Variants in GPALPP1 observed in about 807,000 individuals in gnomAD.
The protein encoded by GPALPP1 is GPALPP motifs-containing protein 1.
GPALPP1 carries 30 observed loss-of-function variants against 38.9 expected under a neutral mutation model. That is an observed-to-expected ratio of 0.77 (90% CI 0.58 to 1.05). GPALPP1 has a LOEUF of 1.05. GPALPP1 is among the 50% of genes least tolerant of loss of function. GPALPP1 has a pLI of 0.00. For missense variants in GPALPP1, 384 were observed against 408.8 expected (o/e 0.94, Z 0.52); for synonymous variants, 120 against 139.2 (o/e 0.86, Z 0.97).
chr13:45,005,433 A>G (rs1308579308), intron 2 of GPALPP1, among the ~76,000 whole-genome samples: 1 of 152,052 alleles, frequency 6.6e-6, no homozygotes, highest in African/African-American at 2.4e-5. Context: ...CTTACCCACT[A>G]TGAGTCTATG....
chr13:45,015,180 T>A lies in GPALPP1; in HGVS notation c.540+97T>A, dbSNP rs568484416. 1,077 of 790,960 alleles carry A rather than the reference T, an allele frequency of 1.4e-3. 4 individuals are homozygous for A. Among genetic ancestry groups the A allele is most frequent in the Middle Eastern group, 0.012 (29 of 2,478 alleles). 49.0% of individuals were successfully genotyped at this position (790,960 alleles called of 1,614,324 possible). A position where few individuals can be genotyped will look rare whatever the true frequency, so the allele number is the denominator to read the frequency against. ...ACTATATAACTTTTAATATATTTTGTTTTTATGCATAACATTTTTTTAAAT... is the reference window on the plus strand; with the variant it reads ...ACTATATAACTTTTAATATATTTTGATTTTATGCATAACATTTTTTTAAAT... On this transcript the variant is annotated intron_variant, in intron 5 of 7. Coordinates refer to ENST00000379151, the MANE Select transcript of GPALPP1 (RefSeq NM_018559.5).
At position 45,015,718 on chromosome 13, in the gene GPALPP1, C is replaced by T. The variant is rs758164488; in HGVS notation, c.705+122C>T. ...AAATTATGATTCCAAAAGGATAATG[C>T]GGATTTTCCTCTGGAGGAAGAGTAT... is the stretch of plus-strand genomic sequence containing the variant. On this transcript the variant is annotated intron_variant, in intron 6 of 7. Coordinates refer to ENST00000379151, the MANE Select transcript of GPALPP1 (RefSeq NM_018559.5). 4.9e-5 allele frequency: 30 copies of T among 616,150 alleles called. No homozygotes were observed. The South Asian group carries it at 9.8e-4, about 20-fold the overall frequency. The allele number at this position is 616,150 out of a possible 1,614,324, so 38.2% of individuals were successfully genotyped here. A position where few individuals can be genotyped will look rare whatever the true frequency, so the allele number is the denominator to read the frequency against.
chr13:45,027,075 C>A (rs1346290349), intron 7 of GPALPP1, among the ~76,000 whole-genome samples: 1 of 152,044 alleles, frequency 6.6e-6, no homozygotes, highest in Non-Finnish European at 1.5e-5. Flanking sequence ...TCTGTAGCAC[C>A]CAGGGATACG....
intron 1 of GPALPP1, among the ~76,000 whole-genome samples, chr13:44,998,077 C>T (rs920156489): frequency 1.3e-5 from 2 of 152,114 alleles, no homozygotes; most frequent in South Asian, 2.1e-4. Context: ...TTTATTTTTC[C>T]GTCTACTTCA....
chr13:45,024,147 CTGTG>C (rs58048658), intron 7 of GPALPP1, among the ~76,000 whole-genome samples: 542 of 23,324 alleles, frequency 0.023, 19 homozygotes, highest in African/African-American at 0.045. Flanking sequence ...CCCTAAAACT[CTGTG>C]TGTGTGTGTG....
At position 45,020,350 on chromosome 13, in the gene GPALPP1, G is replaced by A. The variant is rs1295908368; in HGVS notation, c.726G>A (p.Lys242=). ...CTCAGGAAACACAAGAAGCAAGGAAGTCATCCAGTAAGAAAGATGAAGAAC... is the reference window on the plus strand; with the variant it reads ...CTCAGGAAACACAAGAAGCAAGGAAATCATCCAGTAAGAAAGATGAAGAAC... ...RKAKETQEAR[K]SSSKKDEEHI... The change falls in exon 7 of 8, where the codon AAG becomes AAA. Residue 242 remains lysine, a synonymous_variant. Transcript: ENST00000379151. The A allele has an allele frequency of 2.0e-6, 3 of 1,491,202 alleles. No individual in the cohort carries two copies. Among genetic ancestry groups the A allele is most frequent in the African/African-American group, 2.8e-5 (2 of 72,152 alleles). 92.4% of individuals were successfully genotyped at this position (1,491,202 alleles called of 1,614,324 possible).
At chr13:45,021,360 G>A (rs192865159) in intron 7 of GPALPP1, among the ~76,000 whole-genome samples, 54 of 152,296 alleles carry the variant, frequency 3.5e-4, no homozygotes, top group African/African-American at 1.0e-3. Flanking sequence ...GACCAAAAAC[G>A]TAGCCACTTG....
intron 6 of GPALPP1, among the ~76,000 whole-genome samples, chr13:45,016,045 C>A (rs1566080505): frequency 1.3e-5 from 2 of 151,844 alleles, no homozygotes; most frequent in Non-Finnish European, 2.9e-5. Flanking sequence ...ATTAACCTAG[C>A]AAATTAAATG....
chr13:45,003,118 T>C (rs1459605829), intron 1 of GPALPP1, among the ~76,000 whole-genome samples: 1 of 152,202 alleles, frequency 6.6e-6, no homozygotes, highest in Non-Finnish European at 1.5e-5. Flanking sequence ...GGATATAGGC[T>C]TTGAAATCAG....
intron 6 of GPALPP1, among the ~76,000 whole-genome samples, chr13:45,019,930 G>C (rs112363359): frequency 5.8e-4 from 79 of 137,294 alleles, no homozygotes; most frequent in African/African-American, 2.2e-3. Flanking sequence ...TGTCTCCCAG[G>C]CTGGGGTGCA....
Position 45,015,445 on chromosome 13 carries a change from C to G in GPALPP1, c.554C>G (p.Pro185Arg). The change falls in exon 6 of 8, where the codon CCC becomes CGC. Residue 185 changes from proline to arginine, a missense_variant. Transcript: ENST00000379151. The part of the protein sequence containing the change: ...LTKGDDDSSK[P>R]IVRESWMTEL... ...TTTCTCTTAAAGGATTCATCTAAAC[C>G]CATTGTAAGAGAGTCATGGATGACT... 6.3e-7 allele frequency: 1 copy of G among 1,585,218 alleles called. No homozygotes were observed. Among genetic ancestry groups the G allele is most frequent in the South Asian group, 1.2e-5 (1 of 86,232 alleles).
chr13:44,989,597 G>A lies in GPALPP1; in HGVS notation c.-58G>A, dbSNP rs117400731. 1.6e-3 allele frequency: 2,367 copies of A among 1,518,106 alleles called. 4 individuals are homozygous for A. Among genetic ancestry groups the A allele is most frequent in the Non-Finnish European group, 1.8e-3 (1,989 of 1,098,006 alleles). The allele number at this position is 1,518,106 out of a possible 1,614,324, so 94.0% of individuals were successfully genotyped here. A position where few individuals can be genotyped will look rare whatever the true frequency, so the allele number is the denominator to read the frequency against. On this transcript the variant is annotated 5_prime_UTR_variant, in exon 1 of 8. Coordinates refer to ENST00000379151, the MANE Select transcript of GPALPP1 (RefSeq NM_018559.5). ...CGCTGCTGATCGCGGGATTCTTTTT[G>A]GATAGGGTTGACGTTCGTGGATAGA... is the stretch of plus-strand genomic sequence containing the variant.
intron 5 of GPALPP1, 53 bp downstream of exon 5, chr13:45,015,136 T>C (rs1874754617): frequency 8.3e-7 from 1 of 1,197,920 alleles, no homozygotes; most frequent in Non-Finnish European, 1.2e-6. Context: ...AAAATCTAAA[T>C]TTTAGAAATA....
chr13:45,002,400 A>C (rs982118378), intron 1 of GPALPP1: 1 of 152,262 alleles, frequency 6.6e-6, no homozygotes, highest in African/African-American at 2.4e-5. Context: ...CGCACCTGTG[A>C]AAAGCCACTG....
At chr13:45,015,112 C>A (rs1208956113) in intron 5 of GPALPP1, 29 bp downstream of exon 5, 3 of 1,381,866 alleles carry the variant, frequency 2.2e-6, no homozygotes, top group Non-Finnish European at 3.0e-6. Context: ...TTAAGAAATA[C>A]ACTAAATAGA....
chr13:45,017,092 T>A (rs1874931119), intron 6 of GPALPP1, among the ~76,000 whole-genome samples: 1 of 152,250 alleles, frequency 6.6e-6, no homozygotes. Flanking sequence ...GTACCTAGAA[T>A]TGTCAGGATT....
At chr13:45,016,413 C>T (rs868288143) in intron 6 of GPALPP1, among the ~76,000 whole-genome samples, 6 of 151,644 alleles carry the variant, frequency 4.0e-5, no homozygotes, top group East Asian at 3.9e-4. Flanking sequence ...AAGATTGCGC[C>T]GCTGCACTCC....
chr13:45,015,799 G>A (rs768785684), intron 6 of GPALPP1, among the ~76,000 whole-genome samples: 25 of 151,982 alleles, frequency 1.6e-4, no homozygotes, highest in Non-Finnish European at 2.9e-4. Context: ...CCCAATAAAC[G>A]GTCTCATTTA....
chr13:45,027,978 AC>A lies in GPALPP1; in HGVS notation c.999del (p.His333GlnfsTer10), dbSNP rs1176133998. 5.6e-6 allele frequency: 9 copies of A among 1,599,746 alleles called. No individual in the cohort carries two copies. Among genetic ancestry groups the A allele is most frequent in the Non-Finnish European group, 7.7e-6 (9 of 1,167,392 alleles). On this transcript the variant is annotated frameshift_variant, in exon 8 of 8. Coordinates refer to ENST00000379151, the MANE Select transcript of GPALPP1 (RefSeq NM_018559.5). LOFTEE classifies it high-confidence loss of function. Reference protein sequence around the residue: ...KSRELNTRFSHGKGNMFL With the variant: ...KSRELNTRFSXGKGNMFL The stretch of plus-strand genomic sequence containing the variant: ...AGAGAACTAAACACCAGATTTTCAC[AC>A]GGCAAAGGCAATATGTTTTTATAAG...
Sources: gnomAD v4.1 joint callset for allele counts (sites outside exome capture counted in the v4.1 genomes callset) on GRCh38, gnomAD v4.1.1 for gene constraint, MANE v1.5 for transcripts, NCBI Gene and HGNC (gene_info 2026-07-23, HGNC 2026-07-21) for gene names.